The following CYP4F22 variants were observed in gnomAD, a reference collection of about 807,000 sequenced individuals.
The protein encoded by CYP4F22 is ultra-long-chain fatty acid omega-hydroxylase.
CYP4F22 carries 37 observed loss-of-function variants against 60.4 expected under a neutral mutation model. That is an observed-to-expected ratio of 0.61 (90% confidence interval 0.47 to 0.81). The LOEUF (loss-of-function observed/expected upper bound fraction) is 0.81. Among genes scored for constraint, CYP4F22 ranks in the 30% least tolerant of loss-of-function variants. The probability of loss-of-function intolerance (pLI) is 0.00; values close to 1 mark genes in which losing one functional copy is unlikely to be tolerated. For missense variants in CYP4F22, 655 were observed against 715.0 expected, an observed-to-expected ratio of 0.92 and a Z score of 0.96; for synonymous variants, 258 against 280.5, an observed-to-expected ratio of 0.92 and a Z score of 0.80.
chr19:15,534,295 A>C (rs1466879451), intron 4 of CYP4F22, among the ~76,000 whole-genome samples: 1 of 152,166 alleles, frequency 6.6e-6, no homozygotes, highest in Non-Finnish European at 1.5e-5. Flanking sequence ...CCAGGCTTAC[A>C]TATCTAGTTA....
chr19:15,513,361 AT>A (rs1216724764), intron 1 of CYP4F22, among the ~76,000 whole-genome samples: 3,522 of 121,018 alleles, frequency 0.029, 99 homozygotes, highest in African/African-American at 0.083. Context: ...ATATATATAT[AT>A]TTTTTTTTTT....
chr19:15,535,637 C>T (rs1971386834), intron 4 of CYP4F22, among the ~76,000 whole-genome samples: 1 of 152,048 alleles, frequency 6.6e-6, no homozygotes, highest in Non-Finnish European at 1.5e-5. Flanking sequence ...ACTCATCCAT[C>T]CATCCACCAT....
At chr19:15,543,079 A>T (rs1340906499) in intron 8 of CYP4F22, among the ~76,000 whole-genome samples, 1 of 152,110 alleles carries the variant, frequency 6.6e-6, no homozygotes, top group African/African-American at 2.4e-5. Flanking sequence ...CGGTAATGGG[A>T]TTGCTGGGTC....
chr19:15,537,491 C>CAGGAGAAACAGG (rs752980761), intron 5 of CYP4F22, 44 bp from the exon 6 acceptor site: 7 of 1,614,066 alleles, frequency 4.3e-6, no homozygotes, highest in Non-Finnish European at 5.9e-6. Flanking sequence ...TGGAAGGTTT[C>CAGGAGAAACAGG]AGAGTAACAG....
intron 2 of CYP4F22, 116 bp from the exon 3 acceptor site, chr19:15,525,220 T>C: frequency 1.0e-6 from 1 of 963,054 alleles, no homozygotes; most frequent in Non-Finnish European, 1.6e-6. Context: ...GAGGTATCCT[T>C]GGTGTCTGGA....
At chr19:15,529,609 T>A in intron 3 of CYP4F22, 100 bp from the exon 4 acceptor site, 1 of 1,516,166 alleles carries the variant, frequency 6.6e-7, no homozygotes, top group Non-Finnish European at 9.0e-7. Context: ...AATGTAGCAC[T>A]ATTGGGCTTG....
intron 1 of CYP4F22, among the ~76,000 whole-genome samples, chr19:15,520,355 AAAAAAAC>A (rs2036704180): frequency 6.7e-6 from 1 of 149,814 alleles, no homozygotes; most frequent in South Asian, 2.1e-4. Flanking sequence ...CAAAAAAAAA[AAAAAAAC>A]AAAAACTAAA....
chr19:15,538,182 A>C (rs765482770), intron 7 of CYP4F22, among the ~76,000 whole-genome samples, 189 bp downstream of exon 7: 4 of 152,140 alleles, frequency 2.6e-5, no homozygotes, highest in Non-Finnish European at 5.9e-5. Context: ...AAAAATGGGC[A>C]TCATAATTCC....
Position 15,551,563 on chromosome 19 carries a change from C to T in CYP4F22, c.*92C>T. 7.0e-7 allele frequency: 1 copy of T among 1,436,720 alleles called. No individual in the cohort carries two copies. The highest frequency in any genetic ancestry group is 9.4e-7 in the Non-Finnish European group (1 of 1,069,020). 89.0% of individuals were successfully genotyped at this position (1,436,720 alleles called of 1,614,324 possible). On this transcript the variant is annotated 3_prime_UTR_variant, in exon 14 of 14. Coordinates refer to ENST00000269703, the MANE Select transcript of CYP4F22 (RefSeq NM_173483.4). Reference sequence around the variant, plus strand: ...AAAGATCCCGAGGGCATAGGCCACCCCCCTCGAAGTTCAGGTTCAGCTCCT... The same window carrying T: ...AAAGATCCCGAGGGCATAGGCCACCTCCCTCGAAGTTCAGGTTCAGCTCCT...
At chr19:15,530,142 T>A (rs1455806697) in intron 4 of CYP4F22, among the ~76,000 whole-genome samples, 2 of 152,170 alleles carry the variant, frequency 1.3e-5, no homozygotes. Context: ...GTTAAGTAAG[T>A]GTTACTCAAT....
At chr19:15,515,146 C>T (rs918354686) in intron 1 of CYP4F22, among the ~76,000 whole-genome samples, 10 of 152,146 alleles carry the variant, frequency 6.6e-5, no homozygotes, top group African/African-American at 2.2e-4. Flanking sequence ...ACCGAGTGGC[C>T]GTCACAACAA....
chr19:15,509,109 G>A (rs1033290500), intron 1 of CYP4F22, among the ~76,000 whole-genome samples: 13 of 152,178 alleles, frequency 8.5e-5, no homozygotes, highest in Admixed American at 6.6e-5. Context: ...CATGCCAGAC[G>A]CAGAGCCCCT....
intron 1 of CYP4F22, among the ~76,000 whole-genome samples, chr19:15,523,321 A>G (rs977877365): frequency 6.6e-6 from 1 of 152,104 alleles, no homozygotes; most frequent in Non-Finnish European, 1.5e-5. Context: ...GATCGCACCA[A>G]TGCACTTCAG....
intron 6 of CYP4F22, 90 bp from the exon 7 acceptor site, chr19:15,537,782 G>A: frequency 6.2e-7 from 1 of 1,609,626 alleles, no homozygotes; most frequent in Non-Finnish European, 8.5e-7. Flanking sequence ...TCTATAAAAT[G>A]AGCTTGTAGT....
intron 1 of CYP4F22, chr19:15,516,835 C>CTTTTTT (rs756727270): frequency 1.4e-5 from 3 of 207,930 alleles, no homozygotes; most frequent in African/African-American, 2.7e-5. Flanking sequence ...AGATGTTATT[C>CTTTTTT]TTTTTTTTTT....
chr19:15,529,857 C>T lies in CYP4F22; in HGVS notation c.367+4C>T, dbSNP rs772169421. 1.2e-5 allele frequency: 19 copies of T among 1,613,712 alleles called. No homozygotes were observed. The South Asian group carries it at 1.2e-4, about 10-fold the overall frequency. ...AAACCCCTTTTGGGAGCCTCAGGTACGTGGGCTGGGCCTCCGATCTATGGT... is the reference window on the plus strand; with the variant it reads ...AAACCCCTTTTGGGAGCCTCAGGTATGTGGGCTGGGCCTCCGATCTATGGT... On this transcript the variant is annotated splice_donor_region_variant and intron_variant, in intron 4 of 13. Coordinates refer to ENST00000269703, the MANE Select transcript of CYP4F22 (RefSeq NM_173483.4).
intron 1 of CYP4F22, among the ~76,000 whole-genome samples, chr19:15,512,608 A>AT (rs887776187): frequency 1.3e-5 from 2 of 149,946 alleles, no homozygotes; most frequent in African/African-American, 4.9e-5. Context: ...GCCTGGCCTG[A>AT]TTTTTTTGTT....
At chr19:15,549,008 A>G (rs1971564481) in intron 11 of CYP4F22, 130 bp from the exon 12 acceptor site, 2 of 966,670 alleles carry the variant, frequency 2.1e-6, no homozygotes, top group East Asian at 5.2e-5. Context: ...TTTTTTAGAG[A>G]AGGATGGACA....
intron 3 of CYP4F22, 120 bp from the exon 4 acceptor site, chr19:15,529,589 C>T: frequency 7.0e-7 from 1 of 1,418,516 alleles, no homozygotes; most frequent in Non-Finnish European, 9.7e-7. Context: ...AGCCAACTGC[C>T]TGAAATCATA....
Sources: allele counts gnomAD v4.1 joint callset (sites outside exome capture counted in the v4.1 genomes callset), GRCh38; gene constraint gnomAD v4.1.1; transcripts MANE v1.5; gene names NCBI Gene and HGNC (gene_info 2026-07-23, HGNC 2026-07-21).